The following SPAG16 variants were observed in gnomAD, a reference collection of about 807,000 sequenced individuals.
SPAG16 encodes the protein sperm associated antigen 16.
A neutral mutation model predicts 80.4 loss-of-function variants in SPAG16; 86 were observed. That is an observed-to-expected ratio of 1.07 (90% CI 0.90 to 1.28). The LOEUF (loss-of-function observed/expected upper bound fraction) is 1.28. Ranked by LOEUF, SPAG16 falls within the 50% of genes most tolerant of loss-of-function variation. SPAG16 has a pLI of 0.00. For missense variants in SPAG16, 870 were observed against 765.3 expected (o/e 1.14, Z -1.61); for synonymous variants, 294 against 265.9 (o/e 1.11, Z -1.03).
intron 14 of SPAG16, among the ~76,000 whole-genome samples, chr2:214,108,561 C>G (rs930302605): frequency 6.6e-6 from 1 of 151,214 alleles, no homozygotes; most frequent in African/African-American, 2.4e-5. Flanking sequence ...TTTTTAAGAG[C>G]CTTTTGTCCA....
At chr2:213,759,963 A>T (rs2068563202) in intron 10 of SPAG16, among the ~76,000 whole-genome samples, 1 of 152,124 alleles carries the variant, frequency 6.6e-6, no homozygotes, top group Non-Finnish European at 1.5e-5. Context: ...TGAACCCAGG[A>T]GGCGGAGGCT....
chr2:213,294,272 T>C (rs905432175), intron 1 of SPAG16, among the ~76,000 whole-genome samples: 45 of 152,166 alleles, frequency 3.0e-4, no homozygotes, highest in African/African-American at 1.0e-3. Context: ...AGAGTAGCTT[T>C]GAAACTGGGG....
chr2:214,062,132 C>T (rs1462581115), intron 13 of SPAG16, among the ~76,000 whole-genome samples: 1 of 151,910 alleles, frequency 6.6e-6, no homozygotes, highest in Non-Finnish European at 1.5e-5. Context: ...AAAAACCAAC[C>T]TCCTGGGCCA....
intron 10 of SPAG16, among the ~76,000 whole-genome samples, chr2:213,682,641 C>T (rs2064454469): frequency 6.6e-6 from 1 of 152,042 alleles, no homozygotes; most frequent in South Asian, 2.1e-4. Context: ...GTCGGCATGT[C>T]TCTGGACAGA....
At chr2:213,361,260 G>A (rs1006782477) in intron 7 of SPAG16, among the ~76,000 whole-genome samples, 5 of 151,822 alleles carry the variant, frequency 3.3e-5, no homozygotes, top group Middle Eastern at 3.4e-3. Flanking sequence ...AGAGCTCCAT[G>A]ACCCAAGAAA....
At chr2:213,668,659 C>T (rs190680242) in intron 10 of SPAG16, among the ~76,000 whole-genome samples, 25 of 151,756 alleles carry the variant, frequency 1.6e-4, no homozygotes, top group African/African-American at 5.3e-4. Flanking sequence ...GTTTGTTTTG[C>T]GATGGAGTCT....
chr2:214,280,422 T>A (rs1156525426), intron 15 of SPAG16, among the ~76,000 whole-genome samples: 1 of 152,186 alleles, frequency 6.6e-6, no homozygotes, highest in East Asian at 1.9e-4. Context: ...ATAACAACTT[T>A]GAAAAAGAAC....
intron 15 of SPAG16, among the ~76,000 whole-genome samples, chr2:214,376,260 A>G (rs1022487769): frequency 1.5e-4 from 23 of 152,164 alleles, no homozygotes. Context: ...CTCGTCTCAA[A>G]TTAGAATACA....
chr2:213,651,722 G>C (rs7570202), intron 10 of SPAG16, among the ~76,000 whole-genome samples: 1,524 of 152,136 alleles, frequency 0.01, 27 homozygotes, highest in African/African-American at 0.035. Context: ...ATTTAGTCTA[G>C]GCAAGTCTAC....
At chr2:213,877,321 T>C (rs957798271) in intron 11 of SPAG16, among the ~76,000 whole-genome samples, 1 of 152,136 alleles carries the variant, frequency 6.6e-6, no homozygotes, top group African/African-American at 2.4e-5. Context: ...TGTTTGTTTT[T>C]ATTTTTGAGA....
At chr2:214,310,969 C>A (rs1293492556) in intron 15 of SPAG16, among the ~76,000 whole-genome samples, 1 of 152,220 alleles carries the variant, frequency 6.6e-6, no homozygotes, top group East Asian at 1.9e-4. Context: ...CACACCTTCA[C>A]TGAGGACACA....
chr2:213,851,366 G>A (rs184300574), intron 10 of SPAG16, among the ~76,000 whole-genome samples: 3 of 152,222 alleles, frequency 2.0e-5, no homozygotes, highest in African/African-American at 4.8e-5. Context: ...AAAATGAGGC[G>A]TGGTGGCGGT....
At chr2:214,011,261 T>G (rs909529373) in intron 12 of SPAG16, among the ~76,000 whole-genome samples, 2 of 146,362 alleles carry the variant, frequency 1.4e-5, no homozygotes, top group Admixed American at 1.3e-4. Context: ...TTAAAAAATG[T>G]TCATACTTAC....
chr2:214,266,763 C>G (rs916002061), intron 15 of SPAG16, among the ~76,000 whole-genome samples: 1 of 150,322 alleles, frequency 6.7e-6, no homozygotes, highest in Admixed American at 6.6e-5. Context: ...AAATCAACTA[C>G]AAAAAATCGG....
chr2:213,532,316 T>G (rs2076096061), intron 10 of SPAG16, among the ~76,000 whole-genome samples: 3 of 152,182 alleles, frequency 2.0e-5, no homozygotes, highest in Non-Finnish European at 4.4e-5. Context: ...TGGCCTGAAC[T>G]ATGAATTCTA....
chr2:214,253,497 G>A (rs1690453051), intron 15 of SPAG16, among the ~76,000 whole-genome samples: 1 of 152,100 alleles, frequency 6.6e-6, no homozygotes, highest in Non-Finnish European at 1.5e-5. Flanking sequence ...GTAAGAAACG[G>A]GTCCAGTTTC....
chr2:213,292,440 G>A (rs28545663), intron 1 of SPAG16, among the ~76,000 whole-genome samples: 29,084 of 151,362 alleles, frequency 0.19, 3,700 homozygotes, highest in Non-Finnish European at 0.29. Context: ...CGAGGCGGGC[G>A]GATCATGAGG....
intron 13 of SPAG16, among the ~76,000 whole-genome samples, chr2:214,063,552 C>T (rs1171843297): frequency 6.6e-6 from 1 of 152,136 alleles, no homozygotes; most frequent in East Asian, 1.9e-4. Context: ...TAATTCCATT[C>T]ATGAAGGCTC....
At chr2:214,151,040 C>G (rs937826058) in intron 15 of SPAG16, among the ~76,000 whole-genome samples, 1 of 152,008 alleles carries the variant, frequency 6.6e-6, no homozygotes, top group African/African-American at 2.4e-5. Context: ...CTAATGAAAA[C>G]ACTTTATCAG....
Sources: allele counts gnomAD v4.1 joint callset (sites outside exome capture counted in the v4.1 genomes callset), GRCh38; gene constraint gnomAD v4.1.1; transcripts MANE v1.5; gene names NCBI Gene and HGNC (gene_info 2026-07-23, HGNC 2026-07-21).